PCDH9: variants seen among roughly 807,000 people sequenced by gnomAD.
The protein encoded by PCDH9 is protocadherin-9.
In PCDH9, 24 loss-of-function variants were observed where a neutral mutation model predicts 70.6. The ratio of observed to expected loss-of-function variants is 0.34; its 90% CI spans 0.25 to 0.48. The LOEUF is 0.48. Ranked by LOEUF, PCDH9 falls within the 20% of genes least tolerant of loss-of-function variation. The pLI, the probability that PCDH9 is intolerant of heterozygous loss-of-function variation, is 0.99. For missense variants in PCDH9, 1,281 were observed against 1,503.6 expected (o/e 0.85, Z 2.45); for synonymous variants, 562 against 558.5 (o/e 1.01, Z -0.09).
At chr13:67,186,611 G>T (rs1205313696) in intron 2 of PCDH9, among the ~76,000 whole-genome samples, 14 of 151,994 alleles carry the variant, frequency 9.2e-5, no homozygotes, top group Non-Finnish European at 4.4e-5. Context: ...ACCACAAGAA[G>T]AAAAGACTAG....
At chr13:66,932,681 T>TATATATATATATATATATATATATATAC (rs1313632174) in intron 2 of PCDH9, among the ~76,000 whole-genome samples, 16 of 114,822 alleles carry the variant, frequency 1.4e-4, no homozygotes, top group African/African-American at 4.4e-4. Context: ...TATATATATA[T>TATATATATATATATATATATATATATAC]ACACACACAC....
At chr13:66,531,385 T>C (rs935751288) in intron 4 of PCDH9, among the ~76,000 whole-genome samples, 1 of 152,106 alleles carries the variant, frequency 6.6e-6, no homozygotes, top group African/African-American at 2.4e-5. Flanking sequence ...TTAATAGTTA[T>C]ATATGGAAAG....
chr13:66,559,817 AATATAT>A (rs1555306267), intron 4 of PCDH9, among the ~76,000 whole-genome samples: 1 of 93,106 alleles, frequency 1.1e-5, no homozygotes, highest in African/African-American at 4.4e-5. Context: ...AAAAAAAAAA[AATATAT>A]ATATATATAT....
rs552052699 is a variant in PCDH9, at chr13:67,154,326, A to G, written c.3036+71079T>C. ...GATTATAGGCCAGATGTGGTGGCTC[A>G]TGCCAGTAATTCCAGCACTCTGGAA... On this transcript the variant is annotated intron_variant, in intron 2 of 4. Transcript: ENST00000377865. Among the ~76,000 whole-genome samples the G allele has an allele frequency of 5.9e-5, 9 of 152,222 alleles. No homozygotes were observed. The South Asian group carries it at 1.2e-3, about 21-fold the overall frequency.
intron 4 of PCDH9, among the ~76,000 whole-genome samples, chr13:66,542,488 G>A (rs1961003391): frequency 6.6e-6 from 1 of 151,786 alleles, no homozygotes; most frequent in Admixed American, 6.6e-5. Context: ...AGAATTTTCT[G>A]GGAAAGAAGA....
At chr13:66,563,818 A>G (rs2076611830) in intron 4 of PCDH9, among the ~76,000 whole-genome samples, 1 of 152,142 alleles carries the variant, frequency 6.6e-6, no homozygotes, top group African/African-American at 2.4e-5. Flanking sequence ...TAGCCATTCT[A>G]AATTGGCAGC....
intron 3 of PCDH9, chr13:66,782,631 A>G (rs111424752): frequency 9.7e-4 from 147 of 152,312 alleles, no homozygotes; most frequent in African/African-American, 3.3e-3. Context: ...ATTAAAATCA[A>G]TTAATTACAA....
chr13:67,117,923 A>C (rs993620667), intron 2 of PCDH9, among the ~76,000 whole-genome samples: 2 of 152,154 alleles, frequency 1.3e-5, no homozygotes, highest in Non-Finnish European at 2.9e-5. Flanking sequence ...TTCCAGGAGA[A>C]ATGTGGGCAA....
chr13:67,013,881 A>G (rs1195876296), intron 2 of PCDH9, among the ~76,000 whole-genome samples: 1 of 152,080 alleles, frequency 6.6e-6, no homozygotes, highest in Non-Finnish European at 1.5e-5. Flanking sequence ...AGACAGTACC[A>G]GAACAATTGT....
chr13:66,445,769 A>G (rs566347128), intron 4 of PCDH9, among the ~76,000 whole-genome samples: 130 of 141,724 alleles, frequency 9.2e-4, no homozygotes, highest in African/African-American at 3.4e-3. Flanking sequence ...ACATACACAT[A>G]TATATTATAT....
chr13:66,783,322 C>T (rs574779083), intron 3 of PCDH9, among the ~76,000 whole-genome samples: 152 of 152,194 alleles, frequency 1.0e-3, no homozygotes, highest in Non-Finnish European at 1.7e-3. Context: ...CTCATCTTGT[C>T]CTACTCTGCC....
At chr13:66,616,407 T>C (rs1368995533) in intron 4 of PCDH9, among the ~76,000 whole-genome samples, 2 of 152,094 alleles carry the variant, frequency 1.3e-5, no homozygotes, top group Non-Finnish European at 2.9e-5. Context: ...GAAGTTTTTT[T>C]TTTTTTAACA....
chr13:66,845,514 A>G (rs544560631), intron 3 of PCDH9, among the ~76,000 whole-genome samples: 6 of 152,232 alleles, frequency 3.9e-5, no homozygotes, highest in African/African-American at 1.4e-4. Context: ...GCCTGGGTCC[A>G]CAGCCATGGG....
At chr13:66,590,112 C>A (rs575244829) in intron 4 of PCDH9, among the ~76,000 whole-genome samples, 2 of 151,972 alleles carry the variant, frequency 1.3e-5, no homozygotes, top group South Asian at 2.1e-4. Flanking sequence ...GGGAAAAATA[C>A]GGAGAACCCT....
chr13:67,164,099 G>A (rs536800046), intron 2 of PCDH9, among the ~76,000 whole-genome samples: 7 of 152,242 alleles, frequency 4.6e-5, no homozygotes, highest in African/African-American at 1.7e-4. Context: ...AAATGTGTGT[G>A]CACCTTCACA....
chr13:66,892,197 G>A (rs1047390195), intron 3 of PCDH9, among the ~76,000 whole-genome samples: 6 of 147,880 alleles, frequency 4.1e-5, no homozygotes, highest in Non-Finnish European at 7.5e-5. Context: ...ATATATATGT[G>A]TTATGTGTGT....
chr13:66,980,736 T>C (rs1226784754), intron 2 of PCDH9, among the ~76,000 whole-genome samples: 1 of 139,556 alleles, frequency 7.2e-6, no homozygotes, highest in Non-Finnish European at 1.6e-5. Flanking sequence ...CTTTGTTTTT[T>C]TTTTTGTTTT....
At chr13:67,012,441 C>T (rs1026188510) in intron 2 of PCDH9, among the ~76,000 whole-genome samples, 8 of 151,834 alleles carry the variant, frequency 5.3e-5, no homozygotes, top group Admixed American at 2.0e-4. Context: ...TATTGAATTA[C>T]TTTGTCTAAC....
At chr13:66,941,016 A>T (rs2082999268) in intron 2 of PCDH9, among the ~76,000 whole-genome samples, 1 of 151,910 alleles carries the variant, frequency 6.6e-6, no homozygotes, top group Non-Finnish European at 1.5e-5. Flanking sequence ...TTGTAGGAAA[A>T]ATATGTAAAA....
Sources: gnomAD v4.1 joint callset for allele counts (sites outside exome capture counted in the v4.1 genomes callset) on GRCh38, gnomAD v4.1.1 for gene constraint, MANE v1.5 for transcripts, NCBI Gene and HGNC (gene_info 2026-07-23, HGNC 2026-07-21) for gene names.